The following ZMYM6 variants were observed in gnomAD, a reference collection of about 807,000 sequenced individuals.
The protein encoded by ZMYM6 is zinc finger MYM-type protein 6.
Under a neutral mutation model 134.0 loss-of-function variants are expected in ZMYM6, and 90 were observed. The ratio of observed to expected loss-of-function variants is 0.67; its 90% CI spans 0.57 to 0.80. ZMYM6 has a LOEUF of 0.80. Among genes scored for constraint, ZMYM6 ranks in the 30% least tolerant of loss-of-function variants. The probability of loss-of-function intolerance (pLI) is 0.00; values close to 1 mark genes in which losing one functional copy is unlikely to be tolerated. For synonymous variants in ZMYM6, 481 were observed against 524.1 expected (o/e 0.92, Z 1.12); for missense variants, 1,362 against 1,533.9 (o/e 0.89, Z 1.87).
rs144450277 is a variant in ZMYM6 at position 35,011,001 on chromosome 1, C to G, written c.1098G>C (p.Ser366=). ...VFSKPKGTNS[S]AVPLSQGQVV... ...CTTGGCCCTGAGACAGGGGCACCGC[C>G]GAAGAGTTTGTTCCTTTTGGCTTGC... The change falls in exon 9 of 16, where the codon TCG becomes TCC. Residue 366 remains serine, a synonymous_variant. Coordinates refer to ENST00000357182, the MANE Select transcript of ZMYM6 (RefSeq NM_007167.4). 13 of 1,613,776 alleles carry G rather than the reference C, an allele frequency of 8.1e-6. No individual in the cohort carries two copies. The South Asian group carries it at 1.4e-4, about 18-fold the overall frequency.
intron 11 of ZMYM6, among the ~76,000 whole-genome samples, chr1:35,007,456 C>T (rs909862325): frequency 1.8e-4 from 28 of 151,854 alleles, no homozygotes; most frequent in African/African-American, 5.8e-4. Flanking sequence ...GGTGTGGTGG[C>T]GCACGCCTGT....
At chr1:35,023,716 G>C (rs1272142177) in intron 2 of ZMYM6, among the ~76,000 whole-genome samples, 1 of 151,070 alleles carries the variant, frequency 6.6e-6, no homozygotes, top group African/African-American at 2.4e-5. Flanking sequence ...CCGCCTCCCA[G>C]GTTCACGACA....
intron 15 of ZMYM6, among the ~76,000 whole-genome samples, chr1:34,991,667 G>A (rs2148442227): frequency 6.6e-6 from 1 of 152,192 alleles, no homozygotes; most frequent in East Asian, 1.9e-4. Context: ...CTGCTCAGGA[G>A]GCTGAGACAG....
chr1:34,995,807 G>A (rs899259807), intron 14 of ZMYM6, among the ~76,000 whole-genome samples: 1 of 152,194 alleles, frequency 6.6e-6, no homozygotes, highest in Non-Finnish European at 1.5e-5. Context: ...TCTAGAGATG[G>A]TGTATGTAAT....
At chr1:35,026,965 T>C (rs1287228850) in intron 2 of ZMYM6, among the ~76,000 whole-genome samples, 1 of 152,088 alleles carries the variant, frequency 6.6e-6, no homozygotes, top group African/African-American at 2.4e-5. Flanking sequence ...ACAAAATTCA[T>C]TGACCTGTAG....
chr1:35,018,459 T>C (rs1641245332), intron 4 of ZMYM6: 1 of 151,980 alleles, frequency 6.6e-6, no homozygotes, highest in Non-Finnish European at 1.5e-5. Context: ...ATGTTAAGTA[T>C]ACATAGTAAT....
intron 2 of ZMYM6, among the ~76,000 whole-genome samples, chr1:35,026,700 G>T (rs1202538814): frequency 2.6e-5 from 4 of 152,196 alleles, no homozygotes; most frequent in Non-Finnish European, 4.4e-5. Flanking sequence ...TGCATCTGGA[G>T]TAACAACAAA....
At chr1:35,013,988 C>A (rs926981496) in intron 6 of ZMYM6, among the ~76,000 whole-genome samples, 23 of 152,336 alleles carry the variant, frequency 1.5e-4, no homozygotes, top group African/African-American at 5.5e-4. Flanking sequence ...CCGCGCCGGC[C>A]TTACAAGATA....
rs1640615483 is a variant in ZMYM6 at position 34,988,731 on chromosome 1, T to C, written c.2351A>G (p.Asn784Ser). The change falls in exon 16 of 16, where the codon AAT becomes AGT. Residue 784 changes from asparagine to serine, a missense_variant. By Grantham distance (46) the Asn-to-Ser change is conservative. Coordinates refer to ENST00000357182, the MANE Select transcript of ZMYM6 (RefSeq NM_007167.4). ...ILSSENMKPA[N>S]LSHHLKTKHS... ...TTTTGTCTTCAAATGATGAGAAAGA[T>C]TTGCTGGCTTCATGTTTTCACTGGA... 1 of 1,551,272 alleles carries C rather than the reference T, an allele frequency of 6.4e-7. No homozygotes were observed. The highest frequency in any genetic ancestry group is 2.4e-5 in the East Asian group (1 of 40,908).
At chr1:34,992,002 T>C (rs1417992320) in intron 15 of ZMYM6, 3 of 561,204 alleles carry the variant, frequency 5.3e-6, no homozygotes, top group Non-Finnish European at 6.2e-6. Flanking sequence ...AAATCACTAA[T>C]GCTTTTAACT....
chr1:35,023,086 G>A (rs1466120400), intron 2 of ZMYM6, among the ~76,000 whole-genome samples: 2 of 151,988 alleles, frequency 1.3e-5, no homozygotes, highest in Admixed American at 6.6e-5. Flanking sequence ...AAGCAAGCAC[G>A]ATATGTACAC....
intron 14 of ZMYM6, among the ~76,000 whole-genome samples, chr1:34,996,235 G>C (rs1490909934): frequency 2.0e-5 from 3 of 151,938 alleles, no homozygotes; most frequent in South Asian, 2.1e-4. Context: ...CTAGTCAATA[G>C]AGTATTACCA....
intron 2 of ZMYM6, among the ~76,000 whole-genome samples, chr1:35,023,030 C>T (rs1179793867): frequency 6.6e-6 from 1 of 152,012 alleles, no homozygotes; most frequent in African/African-American, 2.4e-5. Flanking sequence ...GGGCAAATGA[C>T]TTAATATAAA....
At chr1:35,022,861 C>G (rs1386055171) in intron 2 of ZMYM6, among the ~76,000 whole-genome samples, 1 of 152,174 alleles carries the variant, frequency 6.6e-6, no homozygotes, top group East Asian at 1.9e-4. Context: ...TCGCCCAACA[C>G]AGTCAACATA....
intron 4 of ZMYM6, chr1:35,017,298 A>G (rs1475271295): frequency 2.6e-5 from 4 of 152,250 alleles, no homozygotes; most frequent in Admixed American, 2.6e-4. Flanking sequence ...CTTTAAAAAT[A>G]TGACAGCAAA....
chr1:35,031,220 T>C (rs1557594330), intron 1 of ZMYM6: 1 of 152,260 alleles, frequency 6.6e-6, no homozygotes, highest in African/African-American at 2.4e-5. Flanking sequence ...ATGCCATCCA[T>C]CGCAGGCGAA....
At chr1:35,022,661 A>C (rs1056090442) in intron 2 of ZMYM6, among the ~76,000 whole-genome samples, 2 of 152,224 alleles carry the variant, frequency 1.3e-5, no homozygotes, top group African/African-American at 4.8e-5. Flanking sequence ...ACTGAAATTA[A>C]GTTCCCCTGT....
chr1:34,998,272 A>C (rs573498207), intron 14 of ZMYM6, among the ~76,000 whole-genome samples: 3 of 152,272 alleles, frequency 2.0e-5, no homozygotes, highest in East Asian at 3.9e-4. Flanking sequence ...TCCGTCTCAA[A>C]AATATATATA....
At chr1:34,990,344 A>T (rs1423496579) in intron 15 of ZMYM6, 9 of 238,576 alleles carry the variant, frequency 3.8e-5, no homozygotes, top group South Asian at 3.7e-4. Flanking sequence ...TTAGCTGGGC[A>T]TGGTGGCAGG....
Sources: gnomAD v4.1 joint callset for allele counts (sites outside exome capture counted in the v4.1 genomes callset) on GRCh38, gnomAD v4.1.1 for gene constraint, MANE v1.5 for transcripts, NCBI Gene and HGNC (gene_info 2026-07-23, HGNC 2026-07-21) for gene names.